LTBP1: variants seen among roughly 807,000 people sequenced by gnomAD.
The protein encoded by LTBP1 is latent transforming growth factor beta binding protein 1.
LTBP1 carries 129 observed loss-of-function variants against 207.6 expected under a neutral mutation model. The ratio of observed to expected loss-of-function variants is 0.62; its 90% CI spans 0.54 to 0.72. The LOEUF (loss-of-function observed/expected upper bound fraction) is 0.72, where lower values mean the gene tolerates loss of function less well. Ranked by LOEUF, LTBP1 falls within the 30% of genes least tolerant of loss-of-function variation. The pLI is 0.00. For synonymous variants in LTBP1, 963 were observed against 833.7 expected, an observed-to-expected ratio of 1.16 and a Z score of -2.67; for missense variants, 2,281 against 2,217.2, an observed-to-expected ratio of 1.03 and a Z score of -0.58.
In LTBP1 at chr2:33,222,127, C is replaced by G. The variant is rs755765881; in HGVS notation, c.1852C>G (p.Arg618Gly). ...GATGGAATGCCTACCGGGTTATAAG[C>G]GGGTTAACAACACCTTTTGCCAAGG... ...QMMECLPGYKRVNNTFCQDIN... is the reference protein window; with the variant it reads ...QMMECLPGYKGVNNTFCQDIN... The change falls in exon 9 of 34, where the codon CGG becomes GGG. Residue 618 changes from arginine (R) to glycine (G), a missense_variant. Arg to Gly is a moderately radical substitution (Grantham distance 125). This residue lies in a region of LTBP1 where 1,671 missense variants were observed against 1,634.8 expected (regional missense o/e 1.02). Coordinates refer to ENST00000404816, the MANE Select transcript of LTBP1 (RefSeq NM_206943.4). 6.2e-7 allele frequency: 1 copy of G among 1,612,266 alleles called. No individual in the cohort carries two copies. Among genetic ancestry groups the G allele is most frequent in the Non-Finnish European group, 8.5e-7 (1 of 1,178,334 alleles).
rs1391390376 is a variant in LTBP1 at position 33,301,638 on chromosome 2, T to G, written c.3475T>G (p.Cys1159Gly). 12 of 1,592,426 alleles carry G rather than the reference T, an allele frequency of 7.5e-6. No individual in the cohort carries two copies. The highest frequency in any genetic ancestry group is 1.4e-5 in the African/African-American group (1 of 73,788). The change falls in exon 22 of 34, where the codon TGT becomes GGT. Residue 1159 changes from cysteine (C) to glycine (G), a missense_variant. By Grantham distance (159) the Cys-to-Gly change is radical (BLOSUM62 -3). This residue lies in a region of LTBP1 where 1,671 missense variants were observed against 1,634.8 expected (regional missense o/e 1.02). Coordinates refer to ENST00000404816, the MANE Select transcript of LTBP1 (RefSeq NM_206943.4). ...CAGAGCATCTGGGCTTGGAGACCAC[T>G]GTGAAGGTAAGAATTGCTCCTGATT... is the stretch of plus-strand genomic sequence containing the variant. ...GYRASGLGDH[C>G]EDINECLEDK...
intron 15 of LTBP1, among the ~76,000 whole-genome samples, chr2:33,270,597 A>C (rs2093299603): frequency 6.6e-6 from 1 of 151,396 alleles, no homozygotes; most frequent in African/African-American, 2.4e-5. Context: ...CTCAAAAAAA[A>C]AAAAAAAAAA....
intron 10 of LTBP1, among the ~76,000 whole-genome samples, chr2:33,250,185 C>T (rs1205442480): frequency 2.0e-5 from 3 of 152,106 alleles, no homozygotes; most frequent in Admixed American, 2.0e-4. Flanking sequence ...AAAAGAACAA[C>T]AGGCAATTTA....
chr2:32,967,678 G>A (rs1680203170), intron 2 of LTBP1, among the ~76,000 whole-genome samples: 1 of 152,092 alleles, frequency 6.6e-6, no homozygotes, highest in Non-Finnish European at 1.5e-5. Context: ...ACCTGAGAAT[G>A]GATATTATAT....
At chr2:33,146,524 A>G (rs1270527280) in intron 5 of LTBP1, among the ~76,000 whole-genome samples, 13 of 152,140 alleles carry the variant, frequency 8.5e-5, no homozygotes. Flanking sequence ...ATTGTTTTGA[A>G]TGGATTCCTC....
chr2:33,323,483 A>C (rs953127672), intron 24 of LTBP1, among the ~76,000 whole-genome samples: 3 of 152,162 alleles, frequency 2.0e-5, no homozygotes, highest in Non-Finnish European at 4.4e-5. Flanking sequence ...CTAAAAATGC[A>C]AAAAATTACC....
At position 33,134,463 on chromosome 2, in the gene LTBP1, G is replaced by T. The variant is rs191741141; in HGVS notation, c.1034-330G>T. The T allele has an allele frequency of 3.0e-6, 3 of 994,044 alleles. No homozygotes were observed. Among genetic ancestry groups the T allele is most frequent in the Non-Finnish European group, 1.5e-6 (1 of 681,206 alleles). The allele number at this position is 994,044 out of a possible 1,614,324, so 61.6% of individuals were successfully genotyped here. A position where few individuals can be genotyped will look rare whatever the true frequency, so the allele number is the denominator to read the frequency against. On this transcript the variant is annotated intron_variant, in intron 4 of 33. Coordinates refer to ENST00000404816, the MANE Select transcript of LTBP1 (RefSeq NM_206943.4). This position sits in a 1 kb window ranked among gnomAD's most constrained non-coding sequence, Gnocchi z 4.4. ...TGGCTCTTTAATCTGTCGTGCCCTCGGTATTGCTCTTTGTCTGCCCGTGAA... is the reference window on the plus strand; with the variant it reads ...TGGCTCTTTAATCTGTCGTGCCCTCTGTATTGCTCTTTGTCTGCCCGTGAA...
At chr2:33,129,875 C>T (rs901619107) in intron 4 of LTBP1, among the ~76,000 whole-genome samples, 1 of 152,158 alleles carries the variant, frequency 6.6e-6, no homozygotes, top group African/African-American at 2.4e-5. Context: ...GGATTCTTAC[C>T]TGTGGAACTG....
At chr2:33,397,525 G>C (rs374405084) in intron 33 of LTBP1, among the ~76,000 whole-genome samples, 1 of 16,248 alleles carries the variant, frequency 6.2e-5, no homozygotes, top group Non-Finnish European at 1.3e-4. Context: ...TTTTTTTTTT[G>C]AGATGGAGTT....
At chr2:33,076,829 C>G (rs2078109560) in intron 3 of LTBP1, among the ~76,000 whole-genome samples, 1 of 27,192 alleles carries the variant, frequency 3.7e-5, no homozygotes, top group African/African-American at 4.1e-5. Context: ...GCCACCGCGC[C>G]CAGACCCTAA....
rs1558366823 is a variant in LTBP1, at chr2:33,398,847, T to C, written c.*302T>C. 5.1e-6 allele frequency: 1 copy of C among 197,526 alleles called. No individual in the cohort carries two copies. The highest frequency in any genetic ancestry group is 6.0e-5 in the Admixed American group (1 of 16,572). 12.2% of individuals were successfully genotyped at this position (197,526 alleles called of 1,614,324 possible). A position where few individuals can be genotyped will look rare whatever the true frequency, so the allele number is the denominator to read the frequency against. On this transcript the variant is annotated 3_prime_UTR_variant, in exon 34 of 34. Transcript: ENST00000404816. ...AAGGTTGTATTATTATGTTGTTTTG[T>C]TTTTTTACTATTGCTTGATTAAATT... is the stretch of plus-strand genomic sequence containing the variant.
rs183478622 is a variant in LTBP1 at position 33,362,606 on chromosome 2, G to A, written c.4271-784G>A. Reference sequence around the variant, plus strand: ...TGGATTCAGATCCAACCAGCCATATGTTCTAGGCTTGACTTTGCCATTTTC... The same window carrying A: ...TGGATTCAGATCCAACCAGCCATATATTCTAGGCTTGACTTTGCCATTTTC... On this transcript the variant is annotated intron_variant, in intron 28 of 33. Coordinates refer to ENST00000404816, the MANE Select transcript of LTBP1 (RefSeq NM_206943.4). Among the ~76,000 whole-genome samples the A allele has an allele frequency of 3.3e-5, 5 of 152,262 alleles. No homozygotes were observed. The East Asian group carries it at 9.6e-4, about 29-fold the overall frequency.
At chr2:33,245,573 T>C (rs759427585) in intron 10 of LTBP1, among the ~76,000 whole-genome samples, 2 of 152,194 alleles carry the variant, frequency 1.3e-5, no homozygotes, top group African/African-American at 4.8e-5. Flanking sequence ...AAGGCTTTCC[T>C]AACGGGTGGT....
intron 4 of LTBP1, among the ~76,000 whole-genome samples, chr2:33,125,050 A>G (rs547434771): frequency 1.3e-5 from 2 of 152,370 alleles, no homozygotes; most frequent in South Asian, 2.1e-4. Context: ...CGCATACTGC[A>G]GAACACATCA....
intron 5 of LTBP1, among the ~76,000 whole-genome samples, chr2:33,136,862 T>A (rs1475111630): frequency 6.6e-6 from 1 of 152,172 alleles, no homozygotes; most frequent in Non-Finnish European, 1.5e-5. Context: ...CAAAATTATT[T>A]ACAAAAGCAT....
At chr2:33,159,207 G>C (rs951654368) in intron 5 of LTBP1, among the ~76,000 whole-genome samples, 1 of 152,164 alleles carries the variant, frequency 6.6e-6, no homozygotes, top group Non-Finnish European at 1.5e-5. Flanking sequence ...TATACTTGCT[G>C]CTGTGGCTCC....
At chr2:32,950,284 C>T (rs563451887) in intron 2 of LTBP1, among the ~76,000 whole-genome samples, 1 of 152,238 alleles carries the variant, frequency 6.6e-6, no homozygotes, top group Admixed American at 6.5e-5. Context: ...GGGCCTGGTG[C>T]GGTGACTCAT....
At chr2:32,951,244 C>T (rs1677054979) in intron 2 of LTBP1, among the ~76,000 whole-genome samples, 2 of 152,216 alleles carry the variant, frequency 1.3e-5, no homozygotes, top group Admixed American at 1.3e-4. Context: ...TTTCAGCATT[C>T]AGAAGATTAA....
chr2:33,053,147 A>G (rs112575340), intron 3 of LTBP1, among the ~76,000 whole-genome samples: 14,750 of 152,256 alleles, frequency 0.097, 938 homozygotes, highest in Non-Finnish European at 0.14. Context: ...CTGGAATTAC[A>G]GGCGTAAGCC....
Sources: allele counts gnomAD v4.1 joint callset (sites outside exome capture counted in the v4.1 genomes callset), GRCh38; gene constraint gnomAD v4.1.1; regional missense constraint gnomAD v4.1.1; non-coding constraint Gnocchi (gnomAD v3.1); transcripts MANE v1.5; gene names NCBI Gene and HGNC (gene_info 2026-07-23, HGNC 2026-07-21).